Variants in STK4 observed in about 807,000 individuals in gnomAD.
The protein encoded by STK4 is serine/threonine-protein kinase 4.
Under a neutral mutation model 64.9 loss-of-function variants are expected in STK4, and 30 were observed. The ratio of observed to expected loss-of-function variants is 0.46; its 90% CI spans 0.35 to 0.63. The LOEUF (loss-of-function observed/expected upper bound fraction) is 0.63. Ranked by LOEUF, STK4 falls within the 20% of genes least tolerant of loss-of-function variation. The pLI, the probability that STK4 is intolerant of heterozygous loss-of-function variation, is 0.01. For missense variants in STK4, 466 were observed against 598.5 expected (o/e 0.78, Z 2.31); for synonymous variants, 177 against 199.0 (o/e 0.89, Z 0.93).
intron 10 of STK4, among the ~76,000 whole-genome samples, chr20:45,031,642 C>T (rs1438161429): frequency 1.3e-5 from 2 of 152,114 alleles, no homozygotes; most frequent in Admixed American, 1.3e-4. Context: ...TGGCTCATGC[C>T]TGTAATCCCA....
chr20:44,978,830 G>T (rs561497061), intron 3 of STK4, among the ~76,000 whole-genome samples: 1 of 136,148 alleles, frequency 7.3e-6, no homozygotes, highest in Non-Finnish European at 1.5e-5. Context: ...ACAAAGTCTC[G>T]CTCTGTCGCC....
intron 4 of STK4, among the ~76,000 whole-genome samples, chr20:44,984,263 C>CG (rs1568689408): frequency 1.6e-5 from 2 of 122,006 alleles, no homozygotes; most frequent in Admixed American, 2.1e-4. Flanking sequence ...GGTGTGAACT[C>CG]GGCTCAGTGC....
rs1190109271 is a variant in STK4, at chr20:45,077,901, C to T, written c.*2725C>T. ...CAAAGTCTATTGCTTACCAGTCTAGCTTGATGAAGCCTTTTGGCCAGAAGT... is the reference window on the plus strand; with the variant it reads ...CAAAGTCTATTGCTTACCAGTCTAGTTTGATGAAGCCTTTTGGCCAGAAGT... On this transcript the variant is annotated 3_prime_UTR_variant, in exon 11 of 11. Transcript: ENST00000372806. 6.6e-6 allele frequency: 1 copy of T among 152,210 alleles called. No individual in the cohort carries two copies. The highest frequency in any genetic ancestry group is 1.5e-5 in the Non-Finnish European group (1 of 68,038). 9.4% of individuals were successfully genotyped at this position (152,210 alleles called of 1,614,324 possible).
rs143054940 is a variant in STK4 at position 45,073,275 on chromosome 20, C to G, written c.1306-1743C>G. On this transcript the variant is annotated intron_variant, in intron 10 of 10. Coordinates refer to ENST00000372806, the MANE Select transcript of STK4 (RefSeq NM_006282.5). Reference sequence around the variant, plus strand: ...GAAAGATGCATTTTTTTTTTCAGCCCGACTTTCCAGCATTTACCCACACTC... The same window carrying G: ...GAAAGATGCATTTTTTTTTTCAGCCGGACTTTCCAGCATTTACCCACACTC... 5.1e-3 allele frequency among the ~76,000 whole-genome samples: 773 copies of G among 151,872 alleles called. 9 individuals are homozygous for G. The highest frequency in any genetic ancestry group is 0.018 in the African/African-American group (739 of 41,408).
intron 9 of STK4, among the ~76,000 whole-genome samples, chr20:45,013,469 C>T (rs2068089176): frequency 6.6e-6 from 1 of 151,652 alleles, no homozygotes; most frequent in South Asian, 2.1e-4. Flanking sequence ...TATTTTTTTC[C>T]AGTGTGTAGT....
chr20:45,044,202 T>C (rs2068657419), intron 10 of STK4, among the ~76,000 whole-genome samples: 1 of 152,220 alleles, frequency 6.6e-6, no homozygotes, highest in Non-Finnish European at 1.5e-5. Flanking sequence ...ATCTTGAAGC[T>C]CTGAAACTAC....
intron 10 of STK4, among the ~76,000 whole-genome samples, chr20:45,030,658 T>G (rs1346631794): frequency 3.3e-5 from 5 of 152,106 alleles, no homozygotes; most frequent in African/African-American, 1.2e-4. Context: ...GAGAAACCCC[T>G]CCAAAAATTT....
intron 10 of STK4, among the ~76,000 whole-genome samples, chr20:45,028,264 A>G (rs977508277): frequency 6.6e-6 from 1 of 151,640 alleles, no homozygotes; most frequent in Non-Finnish European, 1.5e-5. Flanking sequence ...CATCTTCACC[A>G]GCATTTGTTA....
In STK4 at chr20:44,984,186, GTTT is replaced by G. The variant is rs11397664; in HGVS notation, c.360+2264_360+2266del. ...GTGCTGGTTTTTTGTTGTTGTCGTTGTTTTTTTTTTTTTTTTTTTTTTTGAGAC... is the reference window on the plus strand; with the variant it reads ...GTGCTGGTTTTTTGTTGTTGTCGTTGTTTTTTTTTTTTTTTTTTTTGAGAC... On this transcript the variant is annotated intron_variant, in intron 4 of 10. Coordinates refer to ENST00000372806, the MANE Select transcript of STK4 (RefSeq NM_006282.5). Among the ~76,000 whole-genome samples, 8 of 76,054 alleles carry G rather than the reference GTTT, an allele frequency of 1.1e-4. No homozygotes were observed. In the East Asian group the frequency reaches 2.5e-3, roughly 24 times the overall value. 49.9% of individuals were successfully genotyped at this position (76,054 alleles called of 152,430 possible).
At chr20:45,002,675 CT>C (rs1186681649) in intron 9 of STK4, among the ~76,000 whole-genome samples, 1 of 152,108 alleles carries the variant, frequency 6.6e-6, no homozygotes, top group African/African-American at 2.4e-5. Flanking sequence ...ATAATGACCC[CT>C]ATAGACCTAT....
chr20:45,055,497 G>A (rs973944484), intron 10 of STK4, among the ~76,000 whole-genome samples: 4 of 150,930 alleles, frequency 2.7e-5, no homozygotes, highest in African/African-American at 7.3e-5. Flanking sequence ...TTTTTTTTCC[G>A]GGGGGTGGGG....
intron 1 of STK4, among the ~76,000 whole-genome samples, chr20:44,968,736 T>TA (rs1389334876): frequency 6.6e-6 from 1 of 152,234 alleles, no homozygotes; most frequent in Non-Finnish European, 1.5e-5. Context: ...TTTTGGATTT[T>TA]AAAAAATGTA....
chr20:45,053,669 C>T (rs918927664), intron 10 of STK4, among the ~76,000 whole-genome samples: 2 of 152,152 alleles, frequency 1.3e-5, no homozygotes, highest in Non-Finnish European at 2.9e-5. Context: ...TCCTAGAAGC[C>T]ATTGTCTCTC....
chr20:45,022,995 T>C (rs921664989), intron 9 of STK4, among the ~76,000 whole-genome samples: 2 of 152,258 alleles, frequency 1.3e-5, no homozygotes, highest in South Asian at 2.1e-4. Flanking sequence ...AGAAAGAAGA[T>C]ACCCTCTTTT....
chr20:45,061,697 C>A (rs990282991), intron 10 of STK4, among the ~76,000 whole-genome samples: 1 of 150,978 alleles, frequency 6.6e-6, no homozygotes, highest in African/African-American at 2.4e-5. Flanking sequence ...TATTTCATCA[C>A]CAAGTAATTA....
chr20:45,062,457 TG>T (rs150155205), intron 10 of STK4, among the ~76,000 whole-genome samples: 4,278 of 152,334 alleles, frequency 0.028, 183 homozygotes, highest in African/African-American at 0.092. Flanking sequence ...ATGGGATTGC[TG>T]GGCCAAATGG....
At chr20:44,986,090 T>C (rs1196944783) in intron 4 of STK4, among the ~76,000 whole-genome samples, 3 of 152,242 alleles carry the variant, frequency 2.0e-5, no homozygotes, top group African/African-American at 7.2e-5. Flanking sequence ...GGTGGCTTTA[T>C]TGGTATTAGG....
chr20:45,007,566 A>C (rs1568715568), intron 9 of STK4, among the ~76,000 whole-genome samples: 3 of 151,908 alleles, frequency 2.0e-5, no homozygotes, highest in Non-Finnish European at 2.9e-5. Flanking sequence ...ACAAACAAAA[A>C]AAAGAAAGCA....
intron 10 of STK4, among the ~76,000 whole-genome samples, chr20:45,065,163 G>C (rs1979454268): frequency 6.6e-6 from 1 of 151,806 alleles, no homozygotes; most frequent in South Asian, 2.1e-4. Context: ...TAACATGAAG[G>C]GATGTTGAAT....
Sources: gnomAD v4.1 joint callset for allele counts (sites outside exome capture counted in the v4.1 genomes callset) on GRCh38, gnomAD v4.1.1 for gene constraint, MANE v1.5 for transcripts, NCBI Gene and HGNC (gene_info 2026-07-23, HGNC 2026-07-21) for gene names.